The following LRMDA variants were observed in gnomAD, a reference collection of about 807,000 sequenced individuals.
The protein encoded by LRMDA is leucine-rich melanocyte differentiation-associated protein.
LRMDA carries 18 observed loss-of-function variants against 29.8 expected under a neutral mutation model. That is an observed-to-expected ratio of 0.60 (90% confidence interval 0.42 to 0.90). The LOEUF is 0.90. Ranked by LOEUF, LRMDA falls within the 40% of genes least tolerant of loss-of-function variation. The pLI, the probability that LRMDA is intolerant of heterozygous loss-of-function variation, is 0.00. For missense variants in LRMDA, 273 were observed against 273.9 expected, an observed-to-expected ratio of 1.00 and a Z score of 0.02; for synonymous variants, 125 against 109.4, an observed-to-expected ratio of 1.14 and a Z score of -0.89.
At chr10:76,206,118 T>A (rs1851529732) in intron 5 of LRMDA, among the ~76,000 whole-genome samples, 2 of 152,202 alleles carry the variant, frequency 1.3e-5, no homozygotes. Flanking sequence ...TTGTCGATGA[T>A]GACCTAAGAG....
intron 5 of LRMDA, among the ~76,000 whole-genome samples, chr10:76,305,042 C>T (rs139352935): frequency 2.0e-5 from 3 of 152,292 alleles, no homozygotes; most frequent in East Asian, 3.9e-4. Context: ...TGTGAATCTT[C>T]GTGGAGTCCT....
At chr10:75,986,015 T>A (rs999881255) in intron 2 of LRMDA, among the ~76,000 whole-genome samples, 4 of 152,228 alleles carry the variant, frequency 2.6e-5, no homozygotes, top group African/African-American at 9.6e-5. Flanking sequence ...GCATTTTAAA[T>A]TCAGAGCATC....
intron 6 of LRMDA, among the ~76,000 whole-genome samples, chr10:76,484,186 TTC>T (rs781276511): frequency 1.6e-4 from 24 of 151,734 alleles, no homozygotes; most frequent in African/African-American, 5.6e-4. Flanking sequence ...ATTCTCCTTC[TTC>T]TCTTTCTCTT....
In LRMDA at chr10:75,588,267, A is replaced by G. The variant is rs541814878; in HGVS notation, c.131+149773A>G. 1.6e-4 allele frequency among the ~76,000 whole-genome samples: 25 copies of G among 152,324 alleles called. 1 individual carries two copies. In the East Asian group the frequency reaches 4.8e-3, roughly 29 times the overall value. On this transcript the variant is annotated intron_variant, in intron 2 of 6. Coordinates refer to ENST00000611255, the MANE Select transcript of LRMDA (RefSeq NM_001305581.2). The stretch of plus-strand genomic sequence containing the variant: ...GGGAGGAGGGAGGTGAGCAAGACAC[A>G]GCAGGGAGGACTGGAGCAAAGGCAG...
intron 2 of LRMDA, among the ~76,000 whole-genome samples, chr10:75,546,675 A>C (rs1192839183): frequency 6.6e-6 from 1 of 152,246 alleles, no homozygotes; most frequent in African/African-American, 2.4e-5. Context: ...AGGCAAAAGA[A>C]GTGTAATAAT....
intron 5 of LRMDA, among the ~76,000 whole-genome samples, chr10:76,267,448 A>G (rs1056032814): frequency 6.6e-6 from 1 of 152,198 alleles, no homozygotes; most frequent in Non-Finnish European, 1.5e-5. Context: ...TCACTCCAGT[A>G]GAAACTCTAT....
chr10:76,520,520 A>G lies in LRMDA; in HGVS notation c.602-36689A>G, dbSNP rs112648689. The stretch of plus-strand genomic sequence containing the variant: ...AATAAAAACTTGTCCAATCTCTGAT[A>G]TATTTTTTTAATAGTGTTTGACCCA... On this transcript the variant is annotated intron_variant, in intron 6 of 6. Transcript: ENST00000611255. Among the ~76,000 whole-genome samples, 352 of 152,316 alleles carry G rather than the reference A, an allele frequency of 2.3e-3. 2 individuals carry two copies. The highest frequency in any genetic ancestry group is 0.01 in the Middle Eastern group (3 of 292).
At chr10:75,748,529 G>A (rs1020184846) in intron 2 of LRMDA, among the ~76,000 whole-genome samples, 17 of 151,890 alleles carry the variant, frequency 1.1e-4, no homozygotes, top group South Asian at 2.1e-4. Flanking sequence ...AAATTTCTAC[G>A]TATTAAAAAA....
chr10:75,431,688 G>A lies in LRMDA; in HGVS notation c.-37G>A, dbSNP rs965163749. ...TCCCCGCTGCTGCCGCCGCGCCCCC[G>A]CGCTCCGTCCCGCGCGCCCGCAGCG... On this transcript the variant is annotated 5_prime_UTR_variant, in exon 1 of 7. Coordinates refer to ENST00000611255, the MANE Select transcript of LRMDA (RefSeq NM_001305581.2). 2.3e-6 allele frequency: 3 copies of A among 1,281,298 alleles called. No homozygotes were observed. The highest frequency in any genetic ancestry group is 3.1e-5 in the East Asian group (1 of 31,846). The allele number at this position is 1,281,298 out of a possible 1,614,324, so 79.4% of individuals were successfully genotyped here.
intron 2 of LRMDA, among the ~76,000 whole-genome samples, chr10:75,709,422 G>A (rs1221555357): frequency 6.9e-6 from 1 of 145,014 alleles, no homozygotes; most frequent in Non-Finnish European, 1.5e-5. Flanking sequence ...CTGTGTGTAC[G>A]TGTGTGTGTG....
intron 2 of LRMDA, among the ~76,000 whole-genome samples, chr10:75,439,351 C>T (rs1489528327): frequency 6.6e-6 from 1 of 152,124 alleles, no homozygotes; most frequent in Non-Finnish European, 1.5e-5. Flanking sequence ...ACAGACTGTC[C>T]TGGGGTCAAA....
chr10:76,544,285 C>T (rs917747827), intron 6 of LRMDA, among the ~76,000 whole-genome samples: 3 of 152,078 alleles, frequency 2.0e-5, no homozygotes, highest in African/African-American at 7.2e-5. Context: ...GCAATTTTTT[C>T]CCCCCAATAT....
At chr10:75,536,488 T>C (rs971070011) in intron 2 of LRMDA, among the ~76,000 whole-genome samples, 2 of 152,146 alleles carry the variant, frequency 1.3e-5, no homozygotes, top group Admixed American at 1.3e-4. Flanking sequence ...CTCTCTGTCC[T>C]CTTTAACCCA....
chr10:76,330,243 T>G (rs1840888143), intron 6 of LRMDA, among the ~76,000 whole-genome samples: 3 of 152,216 alleles, frequency 2.0e-5, no homozygotes, highest in Admixed American at 2.0e-4. Flanking sequence ...GATAAGAAAT[T>G]TACTTAATCA....
At chr10:76,133,300 A>G (rs1359874642) in intron 5 of LRMDA, among the ~76,000 whole-genome samples, 1 of 151,976 alleles carries the variant, frequency 6.6e-6, no homozygotes. Flanking sequence ...TTTCTTAAGA[A>G]AGCAGTAAGT....
At chr10:76,064,225 C>T (rs1235639089) in intron 5 of LRMDA, among the ~76,000 whole-genome samples, 1 of 152,158 alleles carries the variant, frequency 6.6e-6, no homozygotes, top group Admixed American at 6.5e-5. Context: ...AAAGGATTTT[C>T]CTGGGATTAT....
chr10:76,277,419 A>G (rs1301261711), intron 5 of LRMDA, among the ~76,000 whole-genome samples: 1 of 152,184 alleles, frequency 6.6e-6, no homozygotes, highest in African/African-American at 2.4e-5. Context: ...CCTCTCATGC[A>G]AGAGGCAGGC....
chr10:75,856,223 T>C (rs1844823785), intron 2 of LRMDA, among the ~76,000 whole-genome samples: 1 of 152,220 alleles, frequency 6.6e-6, no homozygotes, highest in African/African-American at 2.4e-5. Context: ...CATTTGTTTG[T>C]ATCCTCTTTT....
intron 6 of LRMDA, among the ~76,000 whole-genome samples, chr10:76,371,146 G>C (rs142300941): frequency 8.5e-4 from 129 of 152,170 alleles, no homozygotes; most frequent in African/African-American, 2.9e-3. Context: ...TCAGACATTA[G>C]ATAAGTCAAG....
Sources: allele counts gnomAD v4.1 joint callset (sites outside exome capture counted in the v4.1 genomes callset), GRCh38; gene constraint gnomAD v4.1.1; transcripts MANE v1.5; gene names NCBI Gene and HGNC (gene_info 2026-07-23, HGNC 2026-07-21).